Variants in ARHGAP20 observed in about 807,000 individuals in gnomAD.
ARHGAP20 encodes the protein rho GTPase-activating protein 20.
ARHGAP20 carries 34 observed loss-of-function variants against 73.7 expected under a neutral mutation model. That is an observed-to-expected ratio of 0.46 (90% confidence interval 0.35 to 0.61). ARHGAP20 has a LOEUF of 0.61. ARHGAP20 is among the 20% of genes least tolerant of loss of function. The pLI is 0.00. For synonymous variants in ARHGAP20, 523 were observed against 518.2 expected (o/e 1.01, Z -0.13); for missense variants, 1,314 against 1,420.9 (o/e 0.92, Z 1.21).
rs534440757 is a variant in ARHGAP20, at chr11:110,645,856, T to C, written c.189-15064A>G. On this transcript the variant is annotated intron_variant, in intron 2 of 14. Coordinates refer to ENST00000683387, the MANE Select transcript of ARHGAP20 (RefSeq NM_001384657.1). ...CCGGAGGCCATTATCCTAAGTGAAC[T>C]AACACAGAAACTGAAAACCAAATAC... is the stretch of plus-strand genomic sequence containing the variant. 2.0e-5 allele frequency among the ~76,000 whole-genome samples: 3 copies of C among 152,254 alleles called. No homozygotes were observed. The Middle Eastern group carries it at 0.01, about 518-fold the overall frequency.
At chr11:110,657,880 G>C (rs573715185) in intron 2 of ARHGAP20, among the ~76,000 whole-genome samples, 1 of 149,944 alleles carries the variant, frequency 6.7e-6, no homozygotes, top group Non-Finnish European at 1.5e-5. Flanking sequence ...GGGTGACAGA[G>C]TGAGACTCCG....
intron 10 of ARHGAP20, 149 bp from the exon 11 acceptor site, chr11:110,590,958 A>G: frequency 1.2e-6 from 1 of 855,736 alleles, no homozygotes; most frequent in Non-Finnish European, 1.7e-6. Flanking sequence ...GAAAAATTAA[A>G]GTCACCTTTT....
chr11:110,674,247 C>T (rs1462813731), intron 2 of ARHGAP20, among the ~76,000 whole-genome samples: 1 of 152,148 alleles, frequency 6.6e-6, no homozygotes, highest in African/African-American at 2.4e-5. Context: ...TATTTTAAAT[C>T]TCTAAGATTA....
intron 1 of ARHGAP20, among the ~76,000 whole-genome samples, chr11:110,706,143 G>A (rs576770554): frequency 6.9e-4 from 105 of 152,138 alleles, no homozygotes; most frequent in Non-Finnish European, 2.6e-4. Flanking sequence ...ATTGAGAAAA[G>A]GCCCTCAACT....
At chr11:110,704,089 A>G (rs748130562) in intron 1 of ARHGAP20, among the ~76,000 whole-genome samples, 3 of 152,194 alleles carry the variant, frequency 2.0e-5, no homozygotes, top group Non-Finnish European at 4.4e-5. Flanking sequence ...TTCTAAAACC[A>G]TAATGGTAAA....
At chr11:110,625,500 G>C (rs1461268378) in intron 3 of ARHGAP20, among the ~76,000 whole-genome samples, 2 of 151,804 alleles carry the variant, frequency 1.3e-5, no homozygotes, top group East Asian at 3.9e-4. Context: ...CTTAGATTTT[G>C]TTCAACCATT....
Position 110,577,284 on chromosome 11 carries a change from A to C in ARHGAP20, c.*2086T>G, listed in dbSNP as rs1027439032. ...ATTATAGATTGATGGAGTATAATAAAATGACATATAGTCTGTCTTCAAATC... is the reference window on the plus strand; with the variant it reads ...ATTATAGATTGATGGAGTATAATAACATGACATATAGTCTGTCTTCAAATC... On this transcript the variant is annotated 3_prime_UTR_variant, in exon 15 of 15. Transcript: ENST00000683387. 4.3e-6 allele frequency: 6 copies of C among 1,390,972 alleles called. No individual in the cohort carries two copies. Among genetic ancestry groups the C allele is most frequent in the Middle Eastern group, 1.8e-4 (1 of 5,418 alleles). 86.2% of individuals were successfully genotyped at this position (1,390,972 alleles called of 1,614,324 possible). A position where few individuals can be genotyped will look rare whatever the true frequency, so the allele number is the denominator to read the frequency against.
At chr11:110,690,104 A>G (rs1029815726) in intron 2 of ARHGAP20, among the ~76,000 whole-genome samples, 1 of 152,148 alleles carries the variant, frequency 6.6e-6, no homozygotes, top group Non-Finnish European at 1.5e-5. Context: ...AAATCAATCA[A>G]TATTCCATTT....
At chr11:110,650,424 G>C (rs113761197) in intron 2 of ARHGAP20, among the ~76,000 whole-genome samples, 4,027 of 152,188 alleles carry the variant, frequency 0.026, 165 homozygotes, top group African/African-American at 0.09. Context: ...GAGTAGAGTG[G>C]GGATGGGAAA....
chr11:110,608,999 G>A lies in ARHGAP20; in HGVS notation c.760C>T (p.Pro254Ser). ...LWVNSGKEEA[P>S]YPLIGHEYPY... The stretch of plus-strand genomic sequence containing the variant: ...AAAAACTTACCAATGAGTGGGTATG[G>A]AGCCTCTTCTTTGCCAGAATTGACC... Residue 254 changes from proline to serine, a missense_variant, in exon 8 of 15, where the codon CCA (proline) becomes TCA (serine). Physicochemically the swap from Pro to Ser is moderately conservative, Grantham distance 74 (BLOSUM62 -1). This residue lies in a region of ARHGAP20 where 443 missense variants were observed against 466.4 expected (regional missense o/e 0.95). Coordinates refer to ENST00000683387, the MANE Select transcript of ARHGAP20 (RefSeq NM_001384657.1). The A allele has an allele frequency of 6.2e-7, 1 of 1,613,542 alleles. No individual in the cohort carries two copies. The highest frequency in any genetic ancestry group is 1.1e-5 in the South Asian group (1 of 91,020).
intron 3 of ARHGAP20, among the ~76,000 whole-genome samples, chr11:110,629,256 AC>A (rs1948811902): frequency 1.3e-5 from 2 of 152,168 alleles, no homozygotes; most frequent in Non-Finnish European, 2.9e-5. Context: ...CTAGATTCAA[AC>A]CCCAGCCCTG....
At chr11:110,591,029 T>A (rs1057168559) in intron 10 of ARHGAP20, among the ~76,000 whole-genome samples, 3 of 152,096 alleles carry the variant, frequency 2.0e-5, no homozygotes, top group Non-Finnish European at 2.9e-5. Flanking sequence ...TGGGGAGATG[T>A]TGGTCAAAGG....
Position 110,684,969 on chromosome 11 carries a change from ACTGTTT to A in ARHGAP20, c.188+5572_188+5577del, listed in dbSNP as rs1950103744. ...AAAACTACTACTGGGTACCACATTCACTGTTTGTGTGATGGGTTCAATAGAAGCTCA... is the reference window on the plus strand; with the variant it reads ...AAAACTACTACTGGGTACCACATTCAGTGTGATGGGTTCAATAGAAGCTCA... On this transcript the variant is annotated intron_variant, in intron 2 of 14. Transcript: ENST00000683387. Among the ~76,000 whole-genome samples, 3 of 152,120 alleles carry A rather than the reference ACTGTTT, an allele frequency of 2.0e-5. No individual in the cohort carries two copies. In the South Asian group the frequency reaches 6.2e-4, roughly 32 times the overall value.
At chr11:110,585,067 A>C (rs912839177) in intron 12 of ARHGAP20, among the ~76,000 whole-genome samples, 6 of 150,432 alleles carry the variant, frequency 4.0e-5, no homozygotes, top group South Asian at 4.2e-4. Flanking sequence ...ATATATGTGA[A>C]CATATATGAA....
rs113222633 is a variant in ARHGAP20 at position 110,694,606 on chromosome 11, T to C, written c.106-3977A>G. On this transcript the variant is annotated intron_variant, in intron 1 of 14. Transcript: ENST00000683387. ...CTACCTTCAAGTCATTTTAAATACA[T>C]GGATTAATTACATATTCAACTCTGT... Among the ~76,000 whole-genome samples the C allele has an allele frequency of 2.7e-3, 415 of 151,862 alleles. 1 individual carries two copies. Among genetic ancestry groups the C allele is most frequent in the African/African-American group, 9.4e-3 (391 of 41,532 alleles).
intron 4 of ARHGAP20, among the ~76,000 whole-genome samples, chr11:110,617,960 G>C (rs1286982525): frequency 6.6e-6 from 1 of 152,122 alleles, no homozygotes; most frequent in African/African-American, 2.4e-5. Flanking sequence ...GAGTGAGCCG[G>C]GAACCATATG....
At chr11:110,697,952 G>C (rs931156544) in intron 1 of ARHGAP20, among the ~76,000 whole-genome samples, 11 of 151,402 alleles carry the variant, frequency 7.3e-5, no homozygotes, top group African/African-American at 2.7e-4. Flanking sequence ...TTTCCTAATT[G>C]TGTGAAAAAT....
At chr11:110,624,920 T>C (rs2134936271) in intron 3 of ARHGAP20, among the ~76,000 whole-genome samples, 1 of 152,302 alleles carries the variant, frequency 6.6e-6, no homozygotes, top group East Asian at 1.9e-4. Context: ...AATGTACTGC[T>C]GTTACAAAAT....
chr11:110,667,362 T>C (rs1949743118), intron 2 of ARHGAP20, among the ~76,000 whole-genome samples: 1 of 152,206 alleles, frequency 6.6e-6, no homozygotes, highest in South Asian at 2.1e-4. Context: ...TTGTGCTCTA[T>C]CATTGGAGCA....
Sources: allele counts gnomAD v4.1 joint callset (sites outside exome capture counted in the v4.1 genomes callset), GRCh38; gene constraint gnomAD v4.1.1; regional missense constraint gnomAD v4.1.1; transcripts MANE v1.5; gene names NCBI Gene and HGNC (gene_info 2026-07-23, HGNC 2026-07-21).